NCS1: variants seen among roughly 807,000 people sequenced by gnomAD.
The protein encoded by NCS1 is neuronal calcium sensor 1.
Under a neutral mutation model 28.4 loss-of-function variants are expected in NCS1, and 6 were observed. The observed-to-expected ratio is 0.21, with a 90% CI of 0.12 to 0.42. The LOEUF is 0.42. NCS1 is among the 10% of genes least tolerant of loss of function. The pLI is 1.00. For synonymous variants in NCS1, 86 were observed against 99.3 expected (o/e 0.87, Z 0.79); for missense variants, 131 against 241.4 (o/e 0.54, Z 3.03).
chr9:130,206,037 CCCTCAGGGCGACG>C (rs1833020287), intron 2 of NCS1, among the ~76,000 whole-genome samples: 1 of 152,112 alleles, frequency 6.6e-6, no homozygotes, highest in Admixed American at 6.5e-5. Flanking sequence ...TGGTCCCATC[CCCTCAGGGCGACG>C]CTAGACCAGG....
At chr9:130,205,640 C>T (rs1833014159) in intron 2 of NCS1, among the ~76,000 whole-genome samples, 1 of 149,930 alleles carries the variant, frequency 6.7e-6, no homozygotes, top group Non-Finnish European at 1.5e-5. Flanking sequence ...AGTTTGAGAC[C>T]AGCCTGGGCA....
chr9:130,221,407 T>TATAAAATATC (rs1833295697), intron 4 of NCS1, among the ~76,000 whole-genome samples: 2 of 42,728 alleles, frequency 4.7e-5, no homozygotes, highest in African/African-American at 2.0e-4. Context: ...TATATATATA[T>TATAAAATATC]ATATATAGAG....
rs782695824 is a variant in NCS1, at chr9:130,201,008, G to A, written c.89+26G>A. On this transcript the variant is annotated intron_variant, in intron 2 of 7. Coordinates refer to ENST00000372398, the MANE Select transcript of NCS1 (RefSeq NM_014286.4). ...GTGAGTAGCTGCTTTTTCTCAAACC[G>A]TAGAGGGGCTGCGGCTGTGGGCTTT... 26 of 1,614,116 alleles carry A rather than the reference G, an allele frequency of 1.6e-5. No homozygotes were observed. In the East Asian group the frequency reaches 2.5e-4, roughly 15 times the overall value.
At chr9:130,197,111 C>T (rs549713960) in intron 1 of NCS1, among the ~76,000 whole-genome samples, 3 of 152,274 alleles carry the variant, frequency 2.0e-5, no homozygotes, top group South Asian at 2.1e-4. Flanking sequence ...TCACGGATAA[C>T]GTGCCCTTCC....
At chr9:130,227,422 T>C (rs1340507426) in intron 7 of NCS1, among the ~76,000 whole-genome samples, 2 of 152,164 alleles carry the variant, frequency 1.3e-5, no homozygotes, top group Non-Finnish European at 2.9e-5. Context: ...TATGTAAGGG[T>C]AGAATTGCTG....
chr9:130,185,214 G>A (rs1344692500), intron 1 of NCS1, among the ~76,000 whole-genome samples: 2 of 152,238 alleles, frequency 1.3e-5, no homozygotes, highest in Non-Finnish European at 2.9e-5. Flanking sequence ...GATTCAGCTG[G>A]GAGCTGTGAG....
At chr9:130,213,735 G>A (rs970555166) in intron 2 of NCS1, among the ~76,000 whole-genome samples, 2 of 151,916 alleles carry the variant, frequency 1.3e-5, no homozygotes, top group Non-Finnish European at 2.9e-5. Flanking sequence ...AGAGACATGA[G>A]GCACGTGCTT....
At position 130,209,200 on chromosome 9, in the gene NCS1, A is replaced by T. The variant is rs782549527; in HGVS notation, c.89+8218A>T. On this transcript the variant is annotated intron_variant, in intron 2 of 7. Transcript: ENST00000372398. The surrounding 1 kb of genome is among the most constrained non-coding windows in gnomAD (Gnocchi z 4.4). ...AGCTTGGGGTAATGCTTTATGATTT[A>T]TCCGTCTAGCAATCTCTGTCCCACC... Among the ~76,000 whole-genome samples, 2 of 152,162 alleles carry T rather than the reference A, an allele frequency of 1.3e-5. No individual in the cohort carries two copies. The highest frequency in any genetic ancestry group is 2.9e-5 in the Non-Finnish European group (2 of 68,024).
At chr9:130,229,261 A>C (rs1833464620) in intron 7 of NCS1, among the ~76,000 whole-genome samples, 1 of 139,906 alleles carries the variant, frequency 7.1e-6, no homozygotes, top group South Asian at 2.2e-4. Context: ...TGTTATTAAT[A>C]TTTCTTTTTT....
intron 1 of NCS1, among the ~76,000 whole-genome samples, chr9:130,193,484 G>C (rs191099136): frequency 1.5e-3 from 226 of 152,268 alleles, no homozygotes; most frequent in African/African-American, 5.1e-3. Flanking sequence ...AGGCAGCCAG[G>C]TTGGATGGGA....
In NCS1 at chr9:130,235,162, G is replaced by A. The variant is rs942468303; in HGVS notation, c.*2190G>A. The A allele has an allele frequency of 6.6e-6, 1 of 152,288 alleles. No individual in the cohort carries two copies. The highest frequency in any genetic ancestry group is 1.5e-5 in the Non-Finnish European group (1 of 68,204). 9.4% of individuals were successfully genotyped at this position (152,288 alleles called of 1,614,324 possible). On this transcript the variant is annotated 3_prime_UTR_variant, in exon 8 of 8. Transcript: ENST00000372398. ...AACATCCTGCAGGGATGGGGTCAGT[G>A]GTTCCACCTTCACAGGCCACTTTGA...
At chr9:130,185,514 G>T (rs1554905550) in intron 1 of NCS1, among the ~76,000 whole-genome samples, 1 of 152,162 alleles carries the variant, frequency 6.6e-6, no homozygotes, top group East Asian at 1.9e-4. Context: ...GCCAGGCCTC[G>T]TGAGGACCCC....
intron 1 of NCS1, among the ~76,000 whole-genome samples, chr9:130,182,534 C>T (rs1832674893): frequency 6.6e-6 from 1 of 152,236 alleles, no homozygotes. Flanking sequence ...TTGCCTTCCT[C>T]CAGGAAGGAG....
chr9:130,216,635 G>GA (rs1217404133), intron 2 of NCS1, among the ~76,000 whole-genome samples: 2 of 151,508 alleles, frequency 1.3e-5, no homozygotes, highest in Non-Finnish European at 2.9e-5. Context: ...AGAATCGCTT[G>GA]AACCCGGGAG....
At chr9:130,190,695 T>C (rs1457825955) in intron 1 of NCS1, among the ~76,000 whole-genome samples, 3 of 152,218 alleles carry the variant, frequency 2.0e-5, no homozygotes, top group Non-Finnish European at 4.4e-5. Flanking sequence ...AGGATCATCC[T>C]TGGGGATGAT....
In NCS1 at chr9:130,226,919, A is replaced by C. The variant is rs890164366; in HGVS notation, c.*17+415A>C. ...GCGCACCTAGTCTCAGCTACTTGGG[A>C]GGCTGAGGCAGGAGAACCGCTTGAA... On this transcript the variant is annotated intron_variant, in intron 7 of 7. Transcript: ENST00000372398. This position sits in a 1 kb window ranked among gnomAD's most constrained non-coding sequence, Gnocchi z 4.8. 1.1e-4 allele frequency among the ~76,000 whole-genome samples: 16 copies of C among 149,368 alleles called. No individual in the cohort carries two copies. Among genetic ancestry groups the C allele is most frequent in the Non-Finnish European group, 1.9e-4 (13 of 67,568 alleles).
rs1159192244 is a variant in NCS1 at position 130,226,885 on chromosome 9, C to G, written c.*17+381C>G. Among the ~76,000 whole-genome samples, 1 of 151,634 alleles carries G rather than the reference C, an allele frequency of 6.6e-6. No homozygotes were observed. On this transcript the variant is annotated intron_variant, in intron 7 of 7. Coordinates refer to ENST00000372398, the MANE Select transcript of NCS1 (RefSeq NM_014286.4). The surrounding 1 kb of genome is among the most constrained non-coding windows in gnomAD (Gnocchi z 4.8). ...ACTAAAAATACAAAAATCAGGCGGGCGTGGTGGTGCGCACCTAGTCTCAGC... is the reference window on the plus strand; with the variant it reads ...ACTAAAAATACAAAAATCAGGCGGGGGTGGTGGTGCGCACCTAGTCTCAGC...
At chr9:130,224,561 G>GAA (rs111868250) in intron 6 of NCS1, among the ~76,000 whole-genome samples, 1,702 of 131,774 alleles carry the variant, frequency 0.013, 42 homozygotes, top group African/African-American at 0.041. Context: ...TGTCTCAAAA[G>GAA]AAAAAAAATA....
At chr9:130,183,508 T>C (rs1281097606) in intron 1 of NCS1, among the ~76,000 whole-genome samples, 1 of 152,172 alleles carries the variant, frequency 6.6e-6, no homozygotes, top group East Asian at 1.9e-4. Context: ...ACTCTGCCTT[T>C]TTATTTCAGG....
Sources: gnomAD v4.1 joint callset for allele counts (sites outside exome capture counted in the v4.1 genomes callset) on GRCh38, gnomAD v4.1.1 for gene constraint, Gnocchi (gnomAD v3.1) non-coding constraint, MANE v1.5 for transcripts, NCBI Gene and HGNC (gene_info 2026-07-23, HGNC 2026-07-21) for gene names.